RBFOX1: variants seen among roughly 807,000 people sequenced by gnomAD.
The protein encoded by RBFOX1 is RNA binding protein fox-1 homolog 1.
Under a neutral mutation model 57.7 loss-of-function variants are expected in RBFOX1, and 8 were observed. The observed-to-expected ratio is 0.14, with a 90% CI of 0.08 to 0.25. The LOEUF is 0.25. Ranked by LOEUF, RBFOX1 falls within the 10% of genes least tolerant of loss-of-function variation. The pLI is 1.00. For missense variants in RBFOX1, 611 were observed against 548.5 expected (o/e 1.11, Z -1.14); for synonymous variants, 326 against 222.4 (o/e 1.47, Z -4.15).
chr16:7,258,772 C>T (rs2094800855), intron 4 of RBFOX1, among the ~76,000 whole-genome samples: 1 of 152,150 alleles, frequency 6.6e-6, no homozygotes, highest in Admixed American at 6.5e-5. Context: ...GCTGCAACTA[C>T]TGCTGATTTT....
At chr16:6,699,162 T>A (rs1381322062) in intron 3 of RBFOX1, among the ~76,000 whole-genome samples, 1 of 152,152 alleles carries the variant, frequency 6.6e-6, no homozygotes, top group African/African-American at 2.4e-5. Context: ...GGCACCCCTG[T>A]CATGTCAGTT....
intron 1 of RBFOX1, among the ~76,000 whole-genome samples, chr16:5,357,024 AC>A (rs747653526): frequency 3.7e-4 from 56 of 152,208 alleles, no homozygotes; most frequent in Non-Finnish European, 7.5e-4. Context: ...ATGGAGGCTT[AC>A]AGAGTTTAAA....
At chr16:6,207,042 C>G (rs960537571) in intron 1 of RBFOX1, among the ~76,000 whole-genome samples, 5 of 150,390 alleles carry the variant, frequency 3.3e-5, no homozygotes, top group Non-Finnish European at 7.4e-5. Context: ...TAAACAGTCT[C>G]AAGTTTTATT....
chr16:7,666,464 C>T (rs34841966), intron 13 of RBFOX1, among the ~76,000 whole-genome samples: 6,035 of 152,162 alleles, frequency 0.04, 208 homozygotes, highest in Non-Finnish European at 0.055. Context: ...CACCTCTTCA[C>T]GCCTCAGTTT....
chr16:7,121,543 A>T (rs1033445756), intron 4 of RBFOX1, among the ~76,000 whole-genome samples: 29 of 152,070 alleles, frequency 1.9e-4, no homozygotes, highest in Admixed American at 5.2e-4. Flanking sequence ...GAAAACTATA[A>T]AGTATTTGTG....
intron 3 of RBFOX1, among the ~76,000 whole-genome samples, chr16:6,849,028 G>T (rs575725996): frequency 6.6e-6 from 1 of 152,150 alleles, no homozygotes; most frequent in Non-Finnish European, 1.5e-5. Context: ...CATTGGCCAG[G>T]CTTACGTGTC....
At chr16:5,393,950 C>T (rs1596822637) in intron 1 of RBFOX1, among the ~76,000 whole-genome samples, 1 of 152,354 alleles carries the variant, frequency 6.6e-6, no homozygotes, top group South Asian at 2.1e-4. Context: ...CTCGGCACCT[C>T]ATATAAGTGG....
intron 1 of RBFOX1, among the ~76,000 whole-genome samples, chr16:6,127,953 G>C (rs1196165778): frequency 6.6e-6 from 1 of 152,122 alleles, no homozygotes; most frequent in Non-Finnish European, 1.5e-5. Context: ...GGGGGTGCTA[G>C]AAATGTATCT....
chr16:5,392,035 A>G (rs547449393), intron 1 of RBFOX1, among the ~76,000 whole-genome samples: 2 of 152,236 alleles, frequency 1.3e-5, no homozygotes, highest in South Asian at 4.2e-4. Context: ...TCAGGGTTGG[A>G]AAACCAAACA....
intron 11 of RBFOX1, among the ~76,000 whole-genome samples, chr16:7,653,279 C>A (rs771031280): frequency 3.9e-5 from 6 of 152,118 alleles, no homozygotes; most frequent in Non-Finnish European, 5.9e-5. Flanking sequence ...GACAGGAGGA[C>A]TGCTTGAACC....
At chr16:5,813,305 T>C (rs943273285) in intron 3 of RBFOX1, among the ~76,000 whole-genome samples, 26 of 152,334 alleles carry the variant, frequency 1.7e-4, no homozygotes, top group African/African-American at 6.0e-4. Context: ...TCAGTGGTGT[T>C]AAATGCACCC....
At chr16:6,062,717 T>C in intron 1 of RBFOX1, among the ~76,000 whole-genome samples, 1 of 151,674 alleles carries the variant, frequency 6.6e-6, no homozygotes, top group African/African-American at 2.4e-5. Flanking sequence ...ATAGTTACAT[T>C]TATATCACTA....
intron 3 of RBFOX1, among the ~76,000 whole-genome samples, chr16:5,776,657 A>G (rs2054159954): frequency 6.6e-6 from 1 of 152,204 alleles, no homozygotes; most frequent in Non-Finnish European, 1.5e-5. Context: ...GGGTGTTAGT[A>G]TTATCATCCC....
At chr16:5,367,767 G>T (rs1280267684) in intron 1 of RBFOX1, among the ~76,000 whole-genome samples, 1 of 152,146 alleles carries the variant, frequency 6.6e-6, no homozygotes, top group African/African-American at 2.4e-5. Flanking sequence ...GCACACGGAG[G>T]GGAGATGCCT....
rs1015529661 is a variant in RBFOX1, at chr16:6,019,477, C to G, written c.-642C>G. On this transcript the variant is annotated 5_prime_UTR_variant, in exon 1 of 16. Coordinates refer to ENST00000550418, the MANE Select transcript of RBFOX1 (RefSeq NM_018723.4). The surrounding 1 kb of genome is among the most constrained non-coding windows in gnomAD (Gnocchi z 4.2). ...CCCGAACTCGCGGAGGGGAATCCCT[C>G]CCCCTCCGCCCCAGCCCCCCAGCAG... The G allele has an allele frequency of 7.0e-6, 7 of 1,002,922 alleles. No individual in the cohort carries two copies. The highest frequency in any genetic ancestry group is 1.2e-4 in the Admixed American group (2 of 16,656). The allele number at this position is 1,002,922 out of a possible 1,614,324, so 62.1% of individuals were successfully genotyped here.
chr16:7,207,984 AGT>A (rs2152763749), intron 4 of RBFOX1, among the ~76,000 whole-genome samples: 1 of 152,204 alleles, frequency 6.6e-6, no homozygotes, highest in Non-Finnish European at 1.5e-5. Flanking sequence ...GCCTCCTGTA[AGT>A]GGGGTTTCTT....
At chr16:5,453,489 C>T (rs969384983) in intron 1 of RBFOX1, among the ~76,000 whole-genome samples, 3 of 152,138 alleles carry the variant, frequency 2.0e-5, no homozygotes, top group South Asian at 2.1e-4. Flanking sequence ...GCACTAGGCA[C>T]CCCTCTTCAT....
At chr16:6,799,886 A>G (rs147333901) in intron 3 of RBFOX1, among the ~76,000 whole-genome samples, 3 of 152,266 alleles carry the variant, frequency 2.0e-5, no homozygotes, top group East Asian at 1.9e-4. Flanking sequence ...GGAGTGAGTC[A>G]TTACTGGCTT....
At chr16:6,948,534 C>T (rs947175415) in intron 3 of RBFOX1, among the ~76,000 whole-genome samples, 6 of 151,736 alleles carry the variant, frequency 4.0e-5, no homozygotes, top group African/African-American at 1.5e-4. Context: ...AGGCGCCCAC[C>T]ACCATGCCCA....
Sources: allele counts gnomAD v4.1 joint callset (sites outside exome capture counted in the v4.1 genomes callset), GRCh38; gene constraint gnomAD v4.1.1; non-coding constraint Gnocchi (gnomAD v3.1); transcripts MANE v1.5; gene names NCBI Gene and HGNC (gene_info 2026-07-23, HGNC 2026-07-21).